The following SLC24A3 variants were observed in gnomAD, a reference collection of about 807,000 sequenced individuals.
SLC24A3 encodes the protein sodium/potassium/calcium exchanger 3.
In SLC24A3, 28 loss-of-function variants were observed where a neutral mutation model predicts 75.8. That is an observed-to-expected ratio of 0.37 (90% CI 0.27 to 0.51). SLC24A3 has a LOEUF of 0.51. Among genes scored for constraint, SLC24A3 ranks in the 20% least tolerant of loss-of-function variants. The pLI is 0.94. For synonymous variants in SLC24A3, 372 were observed against 334.1 expected (o/e 1.11, Z -1.24); for missense variants, 663 against 847.8 (o/e 0.78, Z 2.71).
intron 3 of SLC24A3, among the ~76,000 whole-genome samples, chr20:19,567,524 A>G (rs2030979004): frequency 6.6e-6 from 1 of 152,198 alleles, no homozygotes; most frequent in Non-Finnish European, 1.5e-5. Flanking sequence ...GGTGGGAGGA[A>G]GGTGAGGATT....
At chr20:19,537,156 C>T (rs1250564616) in intron 3 of SLC24A3, among the ~76,000 whole-genome samples, 14 of 149,656 alleles carry the variant, frequency 9.4e-5, no homozygotes, top group South Asian at 4.3e-4. Flanking sequence ...CCAGAATCTA[C>T]AATGAACTCA....
At position 19,721,004 on chromosome 20, in the gene SLC24A3, A is replaced by T; in HGVS notation, c.1799A>T (p.His600Leu). The change falls in exon 17 of 17, where the codon CAC (histidine) becomes CTC (leucine). Residue 600 changes from histidine (H) to leucine (L), a missense_variant. Around this residue, in one of 2 missense-constraint regions of SLC24A3, gnomAD observed 510 missense variants for 703.6 expected, o/e 0.72. Transcript: ENST00000328041. ...ASVFVTVFGV[H>L]LNKWQLDKKL... The stretch of plus-strand genomic sequence containing the variant: ...TGTGCCCTGCAGGTGTTCGGCGTCC[A>T]CCTGAACAAGTGGCAGCTGGACAAG... 1.2e-6 allele frequency: 2 copies of T among 1,613,758 alleles called. No homozygotes were observed. The highest frequency in any genetic ancestry group is 1.7e-6 in the Non-Finnish European group (2 of 1,179,946).
intron 15 of SLC24A3, among the ~76,000 whole-genome samples, chr20:19,710,315 TG>T (rs918944004): frequency 8.5e-5 from 13 of 152,220 alleles, no homozygotes; most frequent in Non-Finnish European, 4.4e-5. Flanking sequence ...TTCAAAGAAC[TG>T]TTTTATGAGC....
intron 1 of SLC24A3, among the ~76,000 whole-genome samples, chr20:19,226,091 C>T (rs777022792): frequency 1.3e-5 from 2 of 152,026 alleles, no homozygotes; most frequent in African/African-American, 2.4e-5. Context: ...TGAGTAATTT[C>T]CTTTTTCGCC....
intron 2 of SLC24A3, among the ~76,000 whole-genome samples, chr20:19,332,676 A>G (rs1223349900): frequency 2.6e-5 from 4 of 152,142 alleles, no homozygotes; most frequent in African/African-American, 9.7e-5. Context: ...ACAGGGAGAA[A>G]ACCACCTTGA....
At chr20:19,323,192 C>T (rs1326715669) in intron 2 of SLC24A3, among the ~76,000 whole-genome samples, 11 of 122,020 alleles carry the variant, frequency 9.0e-5, no homozygotes, top group African/African-American at 3.1e-4. Flanking sequence ...GGCGACAGAG[C>T]GAGACTCCGT....
chr20:19,251,202 A>G lies in SLC24A3; in HGVS notation c.143-29757A>G, dbSNP rs191265437. Among the ~76,000 whole-genome samples the G allele has an allele frequency of 6.2e-3, 938 of 152,312 alleles. 9 individuals carry two copies. The highest frequency in any genetic ancestry group is 0.021 in the African/African-American group (891 of 41,560). ...AATGTAAGCAAAGAGATTTTAGGGTAGCACTGATACAAGCTTTTAGGCCAG... is the reference window on the plus strand; with the variant it reads ...AATGTAAGCAAAGAGATTTTAGGGTGGCACTGATACAAGCTTTTAGGCCAG... On this transcript the variant is annotated intron_variant, in intron 1 of 16. Transcript: ENST00000328041.
intron 15 of SLC24A3, among the ~76,000 whole-genome samples, chr20:19,711,452 G>GCA (rs1327807908): frequency 1.3e-5 from 2 of 148,746 alleles, no homozygotes; most frequent in Admixed American, 6.7e-5. Flanking sequence ...GCAAACGCGT[G>GCA]CACACACACA....
intron 2 of SLC24A3, among the ~76,000 whole-genome samples, chr20:19,433,452 A>C (rs1411710290): frequency 6.6e-6 from 1 of 152,206 alleles, no homozygotes; most frequent in African/African-American, 2.4e-5. Context: ...GTTTTCTCCA[A>C]GATGCAGAGT....
intron 8 of SLC24A3, among the ~76,000 whole-genome samples, chr20:19,670,736 A>T (rs950379721): frequency 6.6e-6 from 1 of 152,224 alleles, no homozygotes; most frequent in African/African-American, 2.4e-5. Flanking sequence ...TGCTACGTAT[A>T]CATTGGTGTC....
At chr20:19,325,795 TAGAGAGAGAGAGAGAGAGAGAGAG>T (rs745745496) in intron 2 of SLC24A3, among the ~76,000 whole-genome samples, 1 of 67,782 alleles carries the variant, frequency 1.5e-5, no homozygotes, top group African/African-American at 5.5e-5. Flanking sequence ...TATATATATA[TAGAGAGAGAGAGAGAGAGAGAGAG>T]AGAGAGAGAG....
At chr20:19,239,380 C>T (rs1466141647) in intron 1 of SLC24A3, among the ~76,000 whole-genome samples, 1 of 152,232 alleles carries the variant, frequency 6.6e-6, no homozygotes, top group Non-Finnish European at 1.5e-5. Flanking sequence ...CCAGCAGCCT[C>T]TCCAGGCACC....
intron 10 of SLC24A3, among the ~76,000 whole-genome samples, chr20:19,682,469 G>T (rs2032626336): frequency 6.6e-6 from 1 of 152,040 alleles, no homozygotes; most frequent in Non-Finnish European, 1.5e-5. Context: ...CTCATACCTG[G>T]TAAGCCCCTT....
chr20:19,359,695 AAT>A (rs1347296451), intron 2 of SLC24A3, among the ~76,000 whole-genome samples: 1 of 152,140 alleles, frequency 6.6e-6, no homozygotes, highest in Non-Finnish European at 1.5e-5. Context: ...TACAGAGAAA[AAT>A]ATGTCTCTTT....
chr20:19,242,064 A>G (rs1052486413), intron 1 of SLC24A3, among the ~76,000 whole-genome samples: 16 of 152,230 alleles, frequency 1.1e-4, no homozygotes, highest in East Asian at 7.7e-4. Flanking sequence ...GTGTACCTCA[A>G]TGCTATCAGA....
At chr20:19,219,719 A>G (rs1981655312) in intron 1 of SLC24A3, among the ~76,000 whole-genome samples, 1 of 152,238 alleles carries the variant, frequency 6.6e-6, no homozygotes, top group Non-Finnish European at 1.5e-5. Flanking sequence ...GACACAAATA[A>G]CAAACTTAAT....
At chr20:19,293,450 G>C (rs559283148) in intron 2 of SLC24A3, among the ~76,000 whole-genome samples, 1 of 152,162 alleles carries the variant, frequency 6.6e-6, no homozygotes, top group East Asian at 1.9e-4. Context: ...GAGGTCAGGA[G>C]TTCAAGACCA....
At chr20:19,452,877 T>C (rs1204642334) in intron 2 of SLC24A3, among the ~76,000 whole-genome samples, 1 of 151,660 alleles carries the variant, frequency 6.6e-6, no homozygotes, top group East Asian at 1.9e-4. Context: ...TAATAATAAA[T>C]AAAAATAAAA....
At chr20:19,279,050 T>C (rs553734047) in intron 1 of SLC24A3, among the ~76,000 whole-genome samples, 6 of 152,226 alleles carry the variant, frequency 3.9e-5, no homozygotes, top group Non-Finnish European at 5.9e-5. Flanking sequence ...AGTGATCAGG[T>C]GCTGGAGAGG....
Sources: allele counts gnomAD v4.1 joint callset (sites outside exome capture counted in the v4.1 genomes callset), GRCh38; gene constraint gnomAD v4.1.1; regional missense constraint gnomAD v4.1.1; transcripts MANE v1.5; gene names NCBI Gene and HGNC (gene_info 2026-07-23, HGNC 2026-07-21).